Variants in HTT observed in about 807,000 individuals in gnomAD.
HTT encodes the protein huntington disease protein.
Under a neutral mutation model 362.3 loss-of-function variants are expected in HTT, and 104 were observed. The ratio of observed to expected loss-of-function variants is 0.29; its 90% CI spans 0.24 to 0.34. HTT has a LOEUF of 0.34. Among genes scored for constraint, HTT ranks in the 10% least tolerant of loss-of-function variants. The pLI is 1.00. For synonymous variants in HTT, 1,577 were observed against 1,548.7 expected (o/e 1.02, Z -0.43); for missense variants, 3,301 against 3,928.6 (o/e 0.84, Z 4.27).
At chr4:3,211,273 T>C (rs1245780341) in intron 47 of HTT, among the ~76,000 whole-genome samples, 1 of 152,230 alleles carries the variant, frequency 6.6e-6, no homozygotes, top group African/African-American at 2.4e-5. Flanking sequence ...CTTAGTGATC[T>C]GTTTATTAGG....
At chr4:3,209,171 C>T (rs1489584481) in intron 46 of HTT, among the ~76,000 whole-genome samples, 1 of 152,210 alleles carries the variant, frequency 6.6e-6, no homozygotes, top group Non-Finnish European at 1.5e-5. Flanking sequence ...CCGTGGCCTG[C>T]AGGCCCCTGA....
In HTT at chr4:3,182,407, C is replaced by T. The variant is rs758368404; in HGVS notation, c.4803C>T (p.Asp1601=). 1.2e-6 allele frequency: 2 copies of T among 1,613,968 alleles called. No individual in the cohort carries two copies. Among genetic ancestry groups the T allele is most frequent in the East Asian group, 4.5e-5 (2 of 44,896 alleles). Residue 1601 remains aspartate, a synonymous_variant, in exon 37 of 67, where the codon GAC becomes GAT. Transcript: ENST00000355072. The part of the protein sequence containing the change: ...VLQQCHKENE[D]KWKRLSRQIA... ...AGCAGTGCCACAAGGAGAATGAAGA[C>T]AAGTGGAAGCGACTGTCTCGACAGA...
At chr4:3,104,734 A>G (rs1049731600) in intron 4 of HTT, among the ~76,000 whole-genome samples, 1 of 152,088 alleles carries the variant, frequency 6.6e-6, no homozygotes, top group Non-Finnish European at 1.5e-5. Flanking sequence ...GCAACATGGC[A>G]AAACGCTGTC....
chr4:3,143,439 A>AC (rs1716446081), intron 23 of HTT, among the ~76,000 whole-genome samples: 1 of 143,664 alleles, frequency 7.0e-6, no homozygotes, highest in African/African-American at 2.7e-5. Context: ...TCTGTCTCAA[A>AC]AAAAAAAAAA....
rs574139299 is a variant in HTT, at chr4:3,239,037, G to GT, written c.9215+62dup. ...TTCCCTTGTCAACACCGAGGCTCAT[G>GT]TTTCATGATAAGGTTTTGAAACCTA... On this transcript the variant is annotated intron_variant, in intron 66 of 66. Transcript: ENST00000355072. 1.3e-4 allele frequency: 190 copies of GT among 1,509,680 alleles called. 1 individual carries two copies. The South Asian group carries it at 2.2e-3, about 17-fold the overall frequency. 93.5% of individuals were successfully genotyped at this position (1,509,680 alleles called of 1,614,324 possible).
rs773378444 is a variant in HTT, at chr4:3,233,295, A to G, written c.8398A>G (p.Lys2800Glu). 2.5e-6 allele frequency: 4 copies of G among 1,610,714 alleles called. No homozygotes were observed. The highest frequency in any genetic ancestry group is 3.4e-6 in the Non-Finnish European group (4 of 1,177,768). ...GTGCGACCTGCTGGACGACACTGCC[A>G]AGCAGCTCATCCCGGTCATCAGCGA... ...LECDLLDDTAKQLIPVISDYL... is the reference protein window; with the variant it reads ...LECDLLDDTAEQLIPVISDYL... Residue 2800 changes from lysine (K) to glutamate (E), a missense_variant, in exon 61 of 67, where the codon AAG becomes GAG. By Grantham distance (56) the Lys-to-Glu change is moderately conservative (BLOSUM62 1). Coordinates refer to ENST00000355072, the MANE Select transcript of HTT (RefSeq NM_001388492.1).
chr4:3,188,101 C>T (rs990730705), intron 39 of HTT: 44 of 494,020 alleles, frequency 8.9e-5, no homozygotes, highest in Non-Finnish European at 1.5e-4. Flanking sequence ...GTCTCTTGTC[C>T]TCAGTAGAGA....
At chr4:3,202,278 T>TG (rs1300813884) in intron 41 of HTT, among the ~76,000 whole-genome samples, 6 of 152,046 alleles carry the variant, frequency 3.9e-5, no homozygotes, top group African/African-American at 7.2e-5. Flanking sequence ...GCCTGAGATT[T>TG]GGGGGGGCTT....
intron 26 of HTT, among the ~76,000 whole-genome samples, chr4:3,149,584 G>A (rs888393893): frequency 1.3e-4 from 17 of 131,100 alleles, no homozygotes; most frequent in Admixed American, 3.5e-4. Flanking sequence ...TTGGGATTAC[G>A]GGCATGAGCC....
intron 31 of HTT, among the ~76,000 whole-genome samples, chr4:3,174,403 C>T (rs1718135078): frequency 2.0e-5 from 3 of 152,272 alleles, no homozygotes; most frequent in South Asian, 2.1e-4. Flanking sequence ...TTTAAATGAC[C>T]TTCACCTTTC....
At chr4:3,173,597 C>A (rs1184071637) in intron 31 of HTT, among the ~76,000 whole-genome samples, 2 of 152,112 alleles carry the variant, frequency 1.3e-5, no homozygotes, top group Non-Finnish European at 2.9e-5. Flanking sequence ...TGTGTGAAGG[C>A]CATAGAAGCA....
chr4:3,228,794 C>G lies in HTT; in HGVS notation c.7979+49C>G, dbSNP rs759037048. On this transcript the variant is annotated intron_variant, in intron 58 of 66. Transcript: ENST00000355072. This position sits in a 1 kb window ranked among gnomAD's most constrained non-coding sequence, Gnocchi z 4.3. Reference sequence around the variant, plus strand: ...TTAACAGAAATTTGAAATTTCTTATCAGTCATTTGATTTGTTTGAGGTGCT... The same window carrying G: ...TTAACAGAAATTTGAAATTTCTTATGAGTCATTTGATTTGTTTGAGGTGCT... The G allele has an allele frequency of 6.4e-7, 1 of 1,566,836 alleles. No homozygotes were observed. Among genetic ancestry groups the G allele is most frequent in the Non-Finnish European group, 8.7e-7 (1 of 1,152,464 alleles).
At chr4:3,122,355 G>A (rs972450377) in intron 9 of HTT, among the ~76,000 whole-genome samples, 3 of 152,202 alleles carry the variant, frequency 2.0e-5, no homozygotes, top group African/African-American at 7.2e-5. Context: ...CAACGTGGTC[G>A]GTGTAGTGCA....
chr4:3,084,614 C>T (rs553111506), intron 1 of HTT, among the ~76,000 whole-genome samples: 9 of 150,816 alleles, frequency 6.0e-5, no homozygotes, highest in Non-Finnish European at 8.9e-5. Flanking sequence ...TGCTTGAACC[C>T]GAGGGGCAGA....
chr4:3,085,327 GCGTTT>G (rs935937016), intron 1 of HTT, among the ~76,000 whole-genome samples: 1 of 152,054 alleles, frequency 6.6e-6, no homozygotes, highest in Non-Finnish European at 1.5e-5. Flanking sequence ...TAGTAGAGCA[GCGTTT>G]CACCATGCTG....
Position 3,140,369 on chromosome 4 carries a change from C to A in HTT, c.2799-141C>A, listed in dbSNP as rs573164741. The A allele has an allele frequency of 6.1e-6, 4 of 652,234 alleles. No individual in the cohort carries two copies. The East Asian group carries it at 8.2e-5, about 13-fold the overall frequency. The allele number at this position is 652,234 out of a possible 1,614,324, so 40.4% of individuals were successfully genotyped here. On this transcript the variant is annotated intron_variant, in intron 21 of 66. Coordinates refer to ENST00000355072, the MANE Select transcript of HTT (RefSeq NM_001388492.1). ...ACAACGCTGTCACGTGCTTGAAGAA[C>A]GCCACCTGAGAAAGGGGGCGAGAAG...
intron 40 of HTT, 83 bp from the exon 41 acceptor site, chr4:3,199,649 A>G (rs1008483209): frequency 2.4e-6 from 3 of 1,267,392 alleles, no homozygotes; most frequent in Non-Finnish European, 3.4e-6. Flanking sequence ...AGCCTGTTTC[A>G]TTTTTATGTA....
At chr4:3,163,135 A>G (rs1717526032) in intron 29 of HTT, among the ~76,000 whole-genome samples, 1 of 152,204 alleles carries the variant, frequency 6.6e-6, no homozygotes, top group Non-Finnish European at 1.5e-5. Context: ...TTTAGCATGA[A>G]AGGCTGTTGA....
chr4:3,135,318 G>T (rs1392204903), intron 19 of HTT, among the ~76,000 whole-genome samples: 1 of 147,508 alleles, frequency 6.8e-6, no homozygotes, highest in Non-Finnish European at 1.5e-5. Context: ...GTGAGACTTG[G>T]CCTCAAAAAA....
Sources: allele counts gnomAD v4.1 joint callset (sites outside exome capture counted in the v4.1 genomes callset), GRCh38; gene constraint gnomAD v4.1.1; non-coding constraint Gnocchi (gnomAD v3.1); transcripts MANE v1.5; gene names NCBI Gene and HGNC (gene_info 2026-07-23, HGNC 2026-07-21).